The following PLEKHM3 variants were observed in gnomAD, a reference collection of about 807,000 sequenced individuals.
PLEKHM3 encodes pleckstrin homology domain-containing family M member 3.
In PLEKHM3, 45 loss-of-function variants were observed where a neutral mutation model predicts 81.8. The ratio of observed to expected loss-of-function variants is 0.55; its 90% CI spans 0.43 to 0.71. The LOEUF (loss-of-function observed/expected upper bound fraction) is 0.71. PLEKHM3 is among the 30% of genes least tolerant of loss of function. The pLI is 0.00. For missense variants in PLEKHM3, 788 were observed against 924.3 expected (o/e 0.85, Z 1.91); for synonymous variants, 352 against 356.4 (o/e 0.99, Z 0.14).
chr2:207,846,133 T>A (rs1455646689), intron 7 of PLEKHM3, among the ~76,000 whole-genome samples: 1 of 152,122 alleles, frequency 6.6e-6, no homozygotes, highest in Non-Finnish European at 1.5e-5. Flanking sequence ...TTGTTCCTAG[T>A]CCAGTGATCT....
At chr2:207,839,151 C>T (rs1196168930) in intron 7 of PLEKHM3, among the ~76,000 whole-genome samples, 2 of 152,058 alleles carry the variant, frequency 1.3e-5, no homozygotes, top group African/African-American at 4.8e-5. Flanking sequence ...GCACCTAAGA[C>T]TCTGAATGGG....
Position 207,821,952 on chromosome 2 carries a change from G to A in PLEKHM3, c.*6367C>T, listed in dbSNP as rs2092220198. On this transcript the variant is annotated 3_prime_UTR_variant, in exon 8 of 8. Transcript: ENST00000427836. ...ACAGATTTAAAATATATATCTTCTA[G>A]GGTAGGCTAGTAGCTATTCACAGTA... The A allele has an allele frequency of 6.6e-6, 1 of 152,100 alleles. No individual in the cohort carries two copies. The highest frequency in any genetic ancestry group is 1.5e-5 in the Non-Finnish European group (1 of 68,032). The allele number at this position is 152,100 out of a possible 1,614,324, so 9.4% of individuals were successfully genotyped here. A position where few individuals can be genotyped will look rare whatever the true frequency, so the allele number is the denominator to read the frequency against.
At chr2:207,921,342 T>C (rs2718659) in intron 5 of PLEKHM3, among the ~76,000 whole-genome samples, 96,864 of 152,016 alleles carry the variant, frequency 0.64, 31,698 homozygotes, top group Middle Eastern at 0.8. Context: ...CCACTGCACC[T>C]GGCCTCTCTT....
intron 2 of PLEKHM3, among the ~76,000 whole-genome samples, chr2:207,981,059 C>T (rs1691505632): frequency 6.8e-6 from 1 of 147,674 alleles, no homozygotes; most frequent in African/African-American, 2.5e-5. Context: ...ACCCAGGAGG[C>T]AGAGGTTACA....
chr2:207,894,928 T>C (rs1688173903), intron 6 of PLEKHM3, among the ~76,000 whole-genome samples: 2 of 152,150 alleles, frequency 1.3e-5, no homozygotes, highest in Non-Finnish European at 1.5e-5. Flanking sequence ...CCTATTATTA[T>C]AGGTCATTAT....
chr2:207,987,416 C>T (rs113168438), intron 2 of PLEKHM3, among the ~76,000 whole-genome samples: 1 of 152,206 alleles, frequency 6.6e-6, no homozygotes, highest in African/African-American at 2.4e-5. Flanking sequence ...GCTCCACCCA[C>T]CCTTGGTCTC....
chr2:207,925,514 C>T (rs113012198), intron 5 of PLEKHM3, among the ~76,000 whole-genome samples: 52 of 152,258 alleles, frequency 3.4e-4, no homozygotes, highest in African/African-American at 1.2e-3. Flanking sequence ...AATCCTCGCA[C>T]TTTCCTTATG....
chr2:207,852,011 C>T (rs1478320679), intron 7 of PLEKHM3, among the ~76,000 whole-genome samples: 1 of 152,088 alleles, frequency 6.6e-6, no homozygotes, highest in African/African-American at 2.4e-5. Flanking sequence ...ATCTTTCCCC[C>T]AAACCAATCT....
Position 207,826,243 on chromosome 2 carries a change from A to T in PLEKHM3, c.*2076T>A, listed in dbSNP as rs988794681. On this transcript the variant is annotated 3_prime_UTR_variant, in exon 8 of 8. Coordinates refer to ENST00000427836, the MANE Select transcript of PLEKHM3 (RefSeq NM_001080475.3). ...TAAGCAGGTCTATAATTCTCTTGTG[A>T]AAGATCATGTTCTGCTATCTTCTCT... The T allele has an allele frequency of 2.0e-5, 3 of 152,206 alleles. No individual in the cohort carries two copies. The highest frequency in any genetic ancestry group is 4.4e-5 in the Non-Finnish European group (3 of 68,042). The allele number at this position is 152,206 out of a possible 1,614,324, so 9.4% of individuals were successfully genotyped here.
chr2:207,835,170 C>A (rs938608506), intron 7 of PLEKHM3, among the ~76,000 whole-genome samples: 1 of 151,888 alleles, frequency 6.6e-6, no homozygotes, highest in Non-Finnish European at 1.5e-5. Context: ...GTCTCGAACT[C>A]CTGACCTTGT....
chr2:207,835,235 A>G (rs961188027), intron 7 of PLEKHM3, among the ~76,000 whole-genome samples: 16 of 151,974 alleles, frequency 1.1e-4, no homozygotes, highest in Admixed American at 3.3e-4. Context: ...GAGCCACCGT[A>G]CCCTGCCGGT....
chr2:207,892,932 A>G (rs1688105381), intron 6 of PLEKHM3, among the ~76,000 whole-genome samples: 1 of 152,044 alleles, frequency 6.6e-6, no homozygotes, highest in South Asian at 2.1e-4. Context: ...AAGCCTCAAG[A>G]TCCATTTTCA....
Position 207,930,940 on chromosome 2 carries a change from C to T in PLEKHM3, c.1872G>A (p.Glu624=), listed in dbSNP as rs1436831549. Residue 624 remains glutamate, a synonymous_variant, in exon 5 of 8, where the codon GAG becomes GAA. Coordinates refer to ENST00000427836, the MANE Select transcript of PLEKHM3 (RefSeq NM_001080475.3). ...ATGACTCTTACCTGCGGCGGAGATC[C>T]TCTGCCACCGCTGCCCGGCAGCTGA... ...YLFSCRAAVA[E]DLRRRIFPRE... 2 of 1,612,980 alleles carry T rather than the reference C, an allele frequency of 1.2e-6. No homozygotes were observed. Among genetic ancestry groups the T allele is most frequent in the Non-Finnish European group, 1.7e-6 (2 of 1,179,110 alleles).
rs1275480770 is a variant in PLEKHM3, at chr2:207,910,435, T to A, written c.1887-1858A>T. Among the ~76,000 whole-genome samples, 4 of 152,118 alleles carry A rather than the reference T, an allele frequency of 2.6e-5. No individual in the cohort carries two copies. In the East Asian group the frequency reaches 7.7e-4, roughly 29 times the overall value. On this transcript the variant is annotated intron_variant, in intron 5 of 7. Transcript: ENST00000427836. ...CACTGAGCTTGGCACTGGAGATACA[T>A]CATTTTATCTAATCCTCACAATAGC...
chr2:207,910,396 A>G (rs1263379181), intron 5 of PLEKHM3, among the ~76,000 whole-genome samples: 3 of 152,252 alleles, frequency 2.0e-5, no homozygotes, highest in Non-Finnish European at 4.4e-5. Context: ...TCCTCAAGGC[A>G]GCCTACAGGA....
chr2:207,863,598 G>A (rs1261760482), intron 6 of PLEKHM3, among the ~76,000 whole-genome samples: 1 of 152,198 alleles, frequency 6.6e-6, no homozygotes, highest in Non-Finnish European at 1.5e-5. Flanking sequence ...GCCACCCGGC[G>A]TGCTGGGCCC....
At chr2:207,997,968 C>T (rs1242286177) in intron 2 of PLEKHM3, among the ~76,000 whole-genome samples, 1 of 152,134 alleles carries the variant, frequency 6.6e-6, no homozygotes, top group Non-Finnish European at 1.5e-5. Context: ...GACTAGTTGG[C>T]ACCTGGATAT....
At chr2:207,844,303 C>CTTTTTTTTTTTTTTT in intron 7 of PLEKHM3, among the ~76,000 whole-genome samples, 1 of 125,074 alleles carries the variant, frequency 8.0e-6, no homozygotes, top group Non-Finnish European at 1.7e-5. Context: ...ATTTATTTTT[C>CTTTTTTTTTTTTTTT]TTTTTTTTTT....
At chr2:207,918,550 ACAAAC>A (rs1371038239) in intron 5 of PLEKHM3, among the ~76,000 whole-genome samples, 2 of 152,010 alleles carry the variant, frequency 1.3e-5, no homozygotes, top group African/African-American at 4.8e-5. Context: ...CAAAAAACAA[ACAAAC>A]AAACAAACAA....
Sources: gnomAD v4.1 joint callset for allele counts (sites outside exome capture counted in the v4.1 genomes callset) on GRCh38, gnomAD v4.1.1 for gene constraint, MANE v1.5 for transcripts, NCBI Gene and HGNC (gene_info 2026-07-23, HGNC 2026-07-21) for gene names.